Variants in ATP2A1 observed in about 807,000 individuals in gnomAD.
ATP2A1 encodes ATPase sarcoplasmic/endoplasmic reticulum Ca2+ transporting 1, also known as sarcoplasmic/endoplasmic reticulum calcium ATPase 1.
A neutral mutation model predicts 109.5 loss-of-function variants in ATP2A1; 83 were observed. That is an observed-to-expected ratio of 0.76 (90% CI 0.63 to 0.91). The LOEUF is 0.91. Among genes scored for constraint, ATP2A1 ranks in the 40% least tolerant of loss-of-function variants. The probability of loss-of-function intolerance (pLI) is 0.00; values close to 1 mark genes in which losing one functional copy is unlikely to be tolerated. For missense variants in ATP2A1, 1,101 were observed against 1,341.0 expected (o/e 0.82, Z 2.80); for synonymous variants, 505 against 537.6 (o/e 0.94, Z 0.84).
chr16:28,887,295 C>G (rs764986476), intron 7 of ATP2A1, 21 bp downstream of exon 7: 2 of 1,613,756 alleles, frequency 1.2e-6, no homozygotes. Context: ...CGGGACCAGC[C>G]ATCACACACT....
In ATP2A1 at chr16:28,903,905, C is replaced by A; in HGVS notation, c.*37+164C>A. 1.3e-6 allele frequency: 1 copy of A among 787,498 alleles called. No individual in the cohort carries two copies. Among genetic ancestry groups the A allele is most frequent in the Non-Finnish European group, 2.2e-6 (1 of 459,822 alleles). The allele number at this position is 787,498 out of a possible 1,614,324, so 48.8% of individuals were successfully genotyped here. A position where few individuals can be genotyped will look rare whatever the true frequency, so the allele number is the denominator to read the frequency against. On this transcript the variant is annotated intron_variant, in intron 22 of 22. Transcript: ENST00000395503. This position sits in a 1 kb window ranked among gnomAD's most constrained non-coding sequence, Gnocchi z 5.6. Reference sequence around the variant, plus strand: ...CCAGTCAGGGTGGGCCGCTGGCCTCCCACTGGGCGTCAGTTTGGCTCCCAG... The same window carrying A: ...CCAGTCAGGGTGGGCCGCTGGCCTCACACTGGGCGTCAGTTTGGCTCCCAG...
At position 28,902,572 on chromosome 16, in the gene ATP2A1, C is replaced by T. The variant is rs368491175; in HGVS notation, c.2525-8C>T. On this transcript the variant is annotated splice_polypyrimidine_tract_variant and splice_region_variant and intron_variant, in intron 17 of 22. Transcript: ENST00000395503. The surrounding 1 kb of genome is among the most constrained non-coding windows in gnomAD (Gnocchi z 4.8). ...CCCTGACCCCCGACTCCCCTCTCTC[C>T]ACCACAGGCTATGTGGGTGCAGCCA... 4 of 1,613,870 alleles carry T rather than the reference C, an allele frequency of 2.5e-6. No homozygotes were observed. Among genetic ancestry groups the T allele is most frequent in the Non-Finnish European group, 3.4e-6 (4 of 1,179,906 alleles).
rs1013315873 is a variant in ATP2A1, at chr16:28,903,855, C to T, written c.*37+114C>T. The T allele has an allele frequency of 3.0e-5, 31 of 1,036,306 alleles. 1 individual carries two copies. The highest frequency in any genetic ancestry group is 1.8e-4 in the South Asian group (14 of 76,500). The allele number at this position is 1,036,306 out of a possible 1,614,324, so 64.2% of individuals were successfully genotyped here. On this transcript the variant is annotated intron_variant, in intron 22 of 22. Coordinates refer to ENST00000395503, the MANE Select transcript of ATP2A1 (RefSeq NM_004320.6). This position sits in a 1 kb window ranked among gnomAD's most constrained non-coding sequence, Gnocchi z 5.6. ...TTGTGCTCGCAGCTCCACCTGGAGCCGTTGCCACTGCTGCTGCTGCGCTTC... is the reference window on the plus strand; with the variant it reads ...TTGTGCTCGCAGCTCCACCTGGAGCTGTTGCCACTGCTGCTGCTGCGCTTC...
intron 5 of ATP2A1, 45 bp downstream of exon 5, chr16:28,882,634 T>C (rs763523491): frequency 4.0e-5 from 64 of 1,610,342 alleles, no homozygotes; most frequent in Non-Finnish European, 5.2e-5. Context: ...GCCTTGGGGC[T>C]GAGGCCTAGG....
intron 22 of ATP2A1, 78 bp from the exon 23 acceptor site, chr16:28,904,102 C>A: frequency 7.5e-7 from 1 of 1,326,420 alleles, no homozygotes; most frequent in Non-Finnish European, 1.1e-6. Context: ...CAGGTAAGTG[C>A]GTGCCTGGGA....
intron 9 of ATP2A1, among the ~76,000 whole-genome samples, chr16:28,891,820 G>A (rs541483916): frequency 1.4e-3 from 208 of 151,598 alleles, no homozygotes; most frequent in African/African-American, 4.3e-3. Context: ...CGGAGGTTGC[G>A]GTGAGATTGC....
At chr16:28,895,174 G>T (rs543271333) in intron 12 of ATP2A1, among the ~76,000 whole-genome samples, 2 of 152,348 alleles carry the variant, frequency 1.3e-5, no homozygotes, top group African/African-American at 4.8e-5. Flanking sequence ...GATCACTTCT[G>T]CCCGCTGTGT....
At position 28,887,952 on chromosome 16, in the gene ATP2A1, C is replaced by T. The variant is rs528859293; in HGVS notation, c.928+230C>T. Among the ~76,000 whole-genome samples, 7 of 152,342 alleles carry T rather than the reference C, an allele frequency of 4.6e-5. No individual in the cohort carries two copies. The South Asian group carries it at 1.2e-3, about 27-fold the overall frequency. On this transcript the variant is annotated intron_variant, in intron 8 of 22. Transcript: ENST00000395503. ...AGCAGCTGGGACTACAGGTGCACGC[C>T]GCCATGCCTGGCTAATTTTTTTATA...
At chr16:28,895,134 G>A (rs1963882541) in intron 12 of ATP2A1, among the ~76,000 whole-genome samples, 181 bp downstream of exon 12, 1 of 152,372 alleles carries the variant, frequency 6.6e-6, no homozygotes, top group Admixed American at 6.5e-5. Context: ...CCCTGGGGCT[G>A]CCTGGCGGCC....
At position 28,902,361 on chromosome 16, in the gene ATP2A1, C is replaced by T; in HGVS notation, c.2499C>T (p.Leu833=). 2 of 1,614,064 alleles carry T rather than the reference C, an allele frequency of 1.2e-6. No individual in the cohort carries two copies. Among genetic ancestry groups the T allele is most frequent in the Non-Finnish European group, 1.7e-6 (2 of 1,179,990 alleles). ...SPKEPLISGW[L]FFRYMAIGGY... Reference sequence around the variant, plus strand: ...AGGAGCCCCTCATCAGTGGCTGGCTCTTCTTCCGCTACATGGCAATCGGGG... The same window carrying T: ...AGGAGCCCCTCATCAGTGGCTGGCTTTTCTTCCGCTACATGGCAATCGGGG... The change falls in exon 17 of 23, where the codon CTC becomes CTT. Residue 833 remains leucine (L), a synonymous_variant. Transcript: ENST00000395503. This position sits in a 1 kb window ranked among gnomAD's most constrained non-coding sequence, Gnocchi z 4.8.
At position 28,898,515 on chromosome 16, in the gene ATP2A1, T is replaced by C. The variant is rs1963981531; in HGVS notation, c.1764+64T>C. On this transcript the variant is annotated intron_variant, in intron 14 of 22. Coordinates refer to ENST00000395503, the MANE Select transcript of ATP2A1 (RefSeq NM_004320.6). This position sits in a 1 kb window ranked among gnomAD's most constrained non-coding sequence, Gnocchi z 4.0. ...GAAGGGCCGGGTCCCAGCCATCCAC[T>C]CACAGCTCCACCACCCGGATCATTT... 6.5e-7 allele frequency: 1 copy of C among 1,526,752 alleles called. No individual in the cohort carries two copies. The highest frequency in any genetic ancestry group is 8.9e-7 in the Non-Finnish European group (1 of 1,119,444). 94.6% of individuals were successfully genotyped at this position (1,526,752 alleles called of 1,614,324 possible). A position where few individuals can be genotyped will look rare whatever the true frequency, so the allele number is the denominator to read the frequency against.
At chr16:28,900,467 A>ACCCCACCCCCCCACATGCAGACCATTCAC in intron 14 of ATP2A1, 114 bp from the exon 15 acceptor site, 1 of 557,328 alleles carries the variant, frequency 1.8e-6, no homozygotes, top group Non-Finnish European at 2.9e-6. Context: ...CAGGCTTCCC[A>ACCCCACCCCCCCACATGCAGACCATTCAC]CCCCTCCCCA....
In ATP2A1 at chr16:28,902,419, CCCTTGGGA is replaced by C. The variant is rs757329044; in HGVS notation, c.2524+35_2524+42del. The C allele has an allele frequency of 5.0e-6, 8 of 1,609,298 alleles. No individual in the cohort carries two copies. Among genetic ancestry groups the C allele is most frequent in the Non-Finnish European group, 6.8e-6 (8 of 1,176,596 alleles). On this transcript the variant is annotated intron_variant, in intron 17 of 22. Transcript: ENST00000395503. This position sits in a 1 kb window ranked among gnomAD's most constrained non-coding sequence, Gnocchi z 4.8. ...GGAGGGGTTCCTCGATCCTCCCCAC[CCCTTGGGA>C]CTAACCCCCTCTCTGGGACACCAGC...
Position 28,894,262 on chromosome 16 carries a change from T to A in ATP2A1, c.1184+19T>A, listed in dbSNP as rs752974329. 1 of 1,608,516 alleles carries A rather than the reference T, an allele frequency of 6.2e-7. No individual in the cohort carries two copies. The highest frequency in any genetic ancestry group is 1.1e-5 in the South Asian group (1 of 90,756). ...GAGAGGTGTAAGTCACCCAGGCATC[T>A]TCTCCCCAGCTCCTCACGCCCCTTC... is the stretch of plus-strand genomic sequence containing the variant. On this transcript the variant is annotated intron_variant, in intron 10 of 22. Coordinates refer to ENST00000395503, the MANE Select transcript of ATP2A1 (RefSeq NM_004320.6).
At chr16:28,881,839 G>T (rs1336304835) in intron 4 of ATP2A1, among the ~76,000 whole-genome samples, 1 of 150,160 alleles carries the variant, frequency 6.7e-6, no homozygotes, top group Non-Finnish European at 1.5e-5. Flanking sequence ...CTTTCTCTTT[G>T]CCCCAGTGTT....
In ATP2A1 at chr16:28,903,459, G is replaced by A. The variant is rs575356977; in HGVS notation, c.2980+19G>A. The A allele has an allele frequency of 2.5e-6, 4 of 1,601,836 alleles. No individual in the cohort carries two copies. Among genetic ancestry groups the A allele is most frequent in the African/African-American group, 2.7e-5 (2 of 74,720 alleles). On this transcript the variant is annotated intron_variant, in intron 21 of 22. Coordinates refer to ENST00000395503, the MANE Select transcript of ATP2A1 (RefSeq NM_004320.6). The surrounding 1 kb of genome is among the most constrained non-coding windows in gnomAD (Gnocchi z 5.6). The stretch of plus-strand genomic sequence containing the variant: ...CTAGAGGGTAAGGAGTGCCCTCTCT[G>A]TCCCAAGCCCTGGCCCCACCACAGC...
At chr16:28,904,114 A>T in intron 22 of ATP2A1, 66 bp from the exon 23 acceptor site, 1 of 1,431,298 alleles carries the variant, frequency 7.0e-7, no homozygotes, top group East Asian at 2.3e-5. Context: ...TGCCTGGGAG[A>T]TGCACCTGGG....
intron 4 of ATP2A1, 55 bp from the exon 5 acceptor site, chr16:28,882,396 C>T (rs1963512072): frequency 6.3e-7 from 1 of 1,596,018 alleles, no homozygotes; most frequent in Non-Finnish European, 8.6e-7. Context: ...GGAGCCACAA[C>T]TCCATAACTC....
rs1567492663 is a variant in ATP2A1 at position 28,903,279 on chromosome 16, C to T, written c.2863-44C>T. ...GGCTGGGCAGTGCTGGTCTCTGGCTCCCTCCCCACCCCCTCCTGAGAGGGC... is the reference window on the plus strand; with the variant it reads ...GGCTGGGCAGTGCTGGTCTCTGGCTTCCTCCCCACCCCCTCCTGAGAGGGC... On this transcript the variant is annotated intron_variant, in intron 20 of 22. Coordinates refer to ENST00000395503, the MANE Select transcript of ATP2A1 (RefSeq NM_004320.6). This position sits in a 1 kb window ranked among gnomAD's most constrained non-coding sequence, Gnocchi z 5.6. 1.3e-6 allele frequency: 2 copies of T among 1,583,668 alleles called. No homozygotes were observed. The highest frequency in any genetic ancestry group is 8.7e-7 in the Non-Finnish European group (1 of 1,152,648).
Sources: gnomAD v4.1 joint callset for allele counts (sites outside exome capture counted in the v4.1 genomes callset) on GRCh38, gnomAD v4.1.1 for gene constraint, Gnocchi (gnomAD v3.1) non-coding constraint, MANE v1.5 for transcripts, NCBI Gene and HGNC (gene_info 2026-07-23, HGNC 2026-07-21) for gene names.